HSD17B2: variants seen among roughly 807,000 people sequenced by gnomAD.
The protein encoded by HSD17B2 is 17-beta-hydroxysteroid dehydrogenase type 2.
A neutral mutation model predicts 26.9 loss-of-function variants in HSD17B2; 32 were observed. The observed-to-expected ratio is 1.19, with a 90% CI of 0.90 to 1.60. HSD17B2 has a LOEUF of 1.60. Ranked by LOEUF, HSD17B2 falls within the 40% of genes most tolerant of loss-of-function variation. The probability of loss-of-function intolerance (pLI) is 0.00; values close to 1 mark genes in which losing one functional copy is unlikely to be tolerated. For synonymous variants in HSD17B2, 246 were observed against 186.7 expected (o/e 1.32, Z -2.59); for missense variants, 613 against 468.6 (o/e 1.31, Z -2.85).
At chr16:82,091,219 C>G (rs770839978) in intron 4 of HSD17B2, 180 bp downstream of exon 4, 4 of 709,800 alleles carry the variant, frequency 5.6e-6, no homozygotes, top group Non-Finnish European at 7.6e-6. Context: ...GGGGAAAGAG[C>G]TAAGCTCCAT....
intron 3 of HSD17B2, among the ~76,000 whole-genome samples, chr16:82,077,196 TC>T (rs1284982652): frequency 3.3e-5 from 5 of 151,942 alleles, no homozygotes; most frequent in African/African-American, 1.2e-4. Context: ...CACAAAAGAC[TC>T]AGAAGAGCCA....
intron 1 of HSD17B2, among the ~76,000 whole-genome samples, chr16:82,041,533 A>T (rs1315569443): frequency 6.6e-6 from 1 of 152,234 alleles, no homozygotes; most frequent in Non-Finnish European, 1.5e-5. Flanking sequence ...GATGTGGCAC[A>T]AATAGAACAT....
At chr16:82,063,584 A>G (rs578100498) in intron 1 of HSD17B2, among the ~76,000 whole-genome samples, 1 of 152,206 alleles carries the variant, frequency 6.6e-6, no homozygotes, top group Non-Finnish European at 1.5e-5. Context: ...GAGAGACTTT[A>G]TTCAAAAGGA....
intron 1 of HSD17B2, among the ~76,000 whole-genome samples, chr16:82,047,178 C>G (rs1913957976): frequency 6.6e-6 from 1 of 152,224 alleles, no homozygotes; most frequent in South Asian, 2.1e-4. Flanking sequence ...CTCCAGTGAG[C>G]AATCATAAGT....
chr16:82,092,944 T>G lies in HSD17B2; in HGVS notation c.802+1905T>G, dbSNP rs541896281. 1.7e-3 allele frequency: 256 copies of G among 152,282 alleles called. 1 individual carries two copies. Among genetic ancestry groups the G allele is most frequent in the African/African-American group, 5.8e-3 (241 of 41,560 alleles). 9.4% of individuals were successfully genotyped at this position (152,282 alleles called of 1,614,324 possible). A position where few individuals can be genotyped will look rare whatever the true frequency, so the allele number is the denominator to read the frequency against. The stretch of plus-strand genomic sequence containing the variant: ...CCAACACACAGATGTAAAATTCCAT[T>G]TAGACGAGAGAGCAATCCTGCAGTT... On this transcript the variant is annotated intron_variant, in intron 4 of 4. Transcript: ENST00000199936.
At chr16:82,089,488 A>G (rs1210606490) in intron 3 of HSD17B2, among the ~76,000 whole-genome samples, 1 of 152,136 alleles carries the variant, frequency 6.6e-6, no homozygotes, top group Non-Finnish European at 1.5e-5. Context: ...GCTCCTTCAT[A>G]ACATCAGTGT....
chr16:82,060,959 A>T lies in HSD17B2; in HGVS notation c.266-7211A>T, dbSNP rs78400039. Among the ~76,000 whole-genome samples the T allele has an allele frequency of 2.0e-4, 30 of 152,070 alleles. 1 individual carries two copies. The highest frequency in any genetic ancestry group is 3.6e-4 in the African/African-American group (15 of 41,494). On this transcript the variant is annotated intron_variant, in intron 1 of 4. Transcript: ENST00000199936. ...AGGAGTAGTGTAGTGTCGGTTTTTT[A>T]AAAAAAGTTTCCATTTATGGGCCAG...
At position 82,090,925 on chromosome 16, in the gene HSD17B2, G is replaced by C; in HGVS notation, c.688G>C (p.Ala230Pro). Residue 230 changes from alanine to proline, a missense_variant, in exon 4 of 5, where the codon GCA (alanine) becomes CCA (proline). Coordinates refer to ENST00000199936, the MANE Select transcript of HSD17B2 (RefSeq NM_002153.3). ...MGGGAPMERL[A>P]SYGSSKAAVT... ...AGGAGGGGCCCCAATGGAAAGGCTG[G>C]CATCTTATGGCTCATCAAAGGCGGC... 3.1e-6 allele frequency: 5 copies of C among 1,613,222 alleles called. No homozygotes were observed.
At chr16:82,072,066 G>C (rs1361963206) in intron 3 of HSD17B2, 1 of 152,140 alleles carries the variant, frequency 6.6e-6, no homozygotes, top group East Asian at 1.9e-4. Flanking sequence ...GTCAGGGAGG[G>C]GGTTCTTCGC....
At chr16:82,085,319 G>C (rs1904495260) in intron 3 of HSD17B2, among the ~76,000 whole-genome samples, 1 of 152,204 alleles carries the variant, frequency 6.6e-6, no homozygotes, top group South Asian at 2.1e-4. Flanking sequence ...AAGGGGGAAA[G>C]TGGGTAGAGC....
At position 82,070,944 on chromosome 16, in the gene HSD17B2, C is replaced by T. The variant is rs145206359; in HGVS notation, c.481C>T (p.Leu161=). 2 of 1,612,880 alleles carry T rather than the reference C, an allele frequency of 1.2e-6. No individual in the cohort carries two copies. The highest frequency in any genetic ancestry group is 2.7e-5 in the African/African-American group (2 of 74,868). The change falls in exon 3 of 5, where the codon CTG becomes TTG. Residue 161 remains leucine, a splice_region_variant and synonymous_variant. Coordinates refer to ENST00000199936, the MANE Select transcript of HSD17B2 (RefSeq NM_002153.3). ...KVAAMLQDRG[L]WAVINNAGVL... ...TCATTATGGTTTTCTGTCTCCAGGA[C>T]TGTGGGCTGTGATCAACAATGCTGG...
At chr16:82,037,869 T>C (rs1597117121) in intron 1 of HSD17B2, among the ~76,000 whole-genome samples, 1 of 152,302 alleles carries the variant, frequency 6.6e-6, no homozygotes, top group South Asian at 2.1e-4. Flanking sequence ...AAAGCTGTGA[T>C]AACAGCTGGA....
At position 82,098,320 on chromosome 16, in the gene HSD17B2, C is replaced by T; in HGVS notation, c.1048C>T (p.Leu350Phe). 6.2e-7 allele frequency: 1 copy of T among 1,614,194 alleles called. No homozygotes were observed. Among genetic ancestry groups the T allele is most frequent in the Non-Finnish European group, 8.5e-7 (1 of 1,180,010 alleles). ...PGKGAYLWIC[L>F]AHYLPIGIYD... ...GAAAGGCGCTTACTTGTGGATCTGCCTTGCTCACTATTTGCCTATTGGCAT... is the reference window on the plus strand; with the variant it reads ...GAAAGGCGCTTACTTGTGGATCTGCTTTGCTCACTATTTGCCTATTGGCAT... Residue 350 changes from leucine (L) to phenylalanine (F), a missense_variant, in exon 5 of 5, where the codon CTT becomes TTT. By Grantham distance (22) the Leu-to-Phe change is conservative (BLOSUM62 0). Coordinates refer to ENST00000199936, the MANE Select transcript of HSD17B2 (RefSeq NM_002153.3).
chr16:82,042,851 A>C (rs973110229), intron 1 of HSD17B2, among the ~76,000 whole-genome samples: 12 of 151,996 alleles, frequency 7.9e-5, no homozygotes, highest in African/African-American at 2.9e-4. Flanking sequence ...GAACTCCTGA[A>C]CTCAGCTAAT....
chr16:82,073,494 G>C (rs1174243873), intron 3 of HSD17B2, among the ~76,000 whole-genome samples: 1 of 152,032 alleles, frequency 6.6e-6, no homozygotes, highest in Non-Finnish European at 1.5e-5. Flanking sequence ...AAAGTTCTGG[G>C]CATATCTCAC....
At chr16:82,079,571 T>C (rs1904328876) in intron 3 of HSD17B2, among the ~76,000 whole-genome samples, 1 of 152,184 alleles carries the variant, frequency 6.6e-6, no homozygotes, top group Non-Finnish European at 1.5e-5. Flanking sequence ...TACTGGAGGT[T>C]AGTACTGCCA....
intron 1 of HSD17B2, among the ~76,000 whole-genome samples, chr16:82,049,687 A>C (rs1914047150): frequency 6.6e-6 from 1 of 152,242 alleles, no homozygotes; most frequent in Non-Finnish European, 1.5e-5. Flanking sequence ...CTTGGAACAA[A>C]AGGTCTGGAA....
chr16:82,090,829 C>G (rs1567593397), intron 3 of HSD17B2, 73 bp from the exon 4 acceptor site: 1 of 1,402,578 alleles, frequency 7.1e-7, no homozygotes, highest in Non-Finnish European at 9.6e-7. Context: ...ACAGTAGACA[C>G]TGATTAAATA....
At chr16:82,066,600 T>C (rs1465593982) in intron 1 of HSD17B2, among the ~76,000 whole-genome samples, 1 of 152,230 alleles carries the variant, frequency 6.6e-6, no homozygotes, top group Non-Finnish European at 1.5e-5. Context: ...CCATTCTGCC[T>C]GTCCTCCTAA....
Sources: allele counts gnomAD v4.1 joint callset (sites outside exome capture counted in the v4.1 genomes callset), GRCh38; gene constraint gnomAD v4.1.1; transcripts MANE v1.5; gene names NCBI Gene and HGNC (gene_info 2026-07-23, HGNC 2026-07-21).